CNTN5: variants seen among roughly 807,000 people sequenced by gnomAD.
CNTN5 encodes contactin-5.
Under a neutral mutation model 129.1 loss-of-function variants are expected in CNTN5, and 77 were observed. The ratio of observed to expected loss-of-function variants is 0.60; its 90% CI spans 0.50 to 0.72. The LOEUF (loss-of-function observed/expected upper bound fraction) is 0.72, where lower values mean the gene tolerates loss of function less well. Among genes scored for constraint, CNTN5 ranks in the 30% least tolerant of loss-of-function variants. CNTN5 has a pLI of 0.00. For synonymous variants in CNTN5, 509 were observed against 465.6 expected, an observed-to-expected ratio of 1.09 and a Z score of -1.20; for missense variants, 1,478 against 1,328.8, an observed-to-expected ratio of 1.11 and a Z score of -1.75.
intron 2 of CNTN5, among the ~76,000 whole-genome samples, chr11:99,413,853 T>A (rs929775635): frequency 6.6e-6 from 1 of 152,202 alleles, no homozygotes; most frequent in African/African-American, 2.4e-5. Flanking sequence ...CTTTTATTTA[T>A]AATCTCAACT....
intron 2 of CNTN5, among the ~76,000 whole-genome samples, chr11:99,344,006 T>C (rs1366153043): frequency 6.6e-6 from 1 of 152,178 alleles, no homozygotes; most frequent in Non-Finnish European, 1.5e-5. Context: ...ATTTATAAAA[T>C]AGCCTTCTCA....
intron 1 of CNTN5, among the ~76,000 whole-genome samples, chr11:99,137,223 A>T (rs1430510003): frequency 6.6e-6 from 1 of 152,196 alleles, no homozygotes; most frequent in Non-Finnish European, 1.5e-5. Flanking sequence ...CAGATACACT[A>T]ATAATTTAAC....
chr11:100,191,358 A>G, intron 14 of CNTN5, 105 bp downstream of exon 14: 2 of 840,426 alleles, frequency 2.4e-6, no homozygotes, highest in Non-Finnish European at 3.3e-6. Flanking sequence ...AAGTGTGTGC[A>G]TGCTTGTGTT....
chr11:99,980,720 C>T (rs75948618), intron 8 of CNTN5, among the ~76,000 whole-genome samples: 4,893 of 151,974 alleles, frequency 0.032, 145 homozygotes, highest in African/African-American at 0.078. Context: ...TTTATTTCAG[C>T]TTAATACCTG....
chr11:99,815,938 T>G (rs2036081686), intron 3 of CNTN5, among the ~76,000 whole-genome samples: 1 of 152,132 alleles, frequency 6.6e-6, no homozygotes, highest in Non-Finnish European at 1.5e-5. Context: ...ATCTATTTCT[T>G]CAATTCCCTC....
chr11:99,753,534 A>G (rs1166908249), intron 3 of CNTN5, among the ~76,000 whole-genome samples: 2 of 150,712 alleles, frequency 1.3e-5, no homozygotes, highest in Admixed American at 1.3e-4. Flanking sequence ...CCTGTCTCAC[A>G]TTATCAGGAT....
chr11:99,710,567 ATGTGTGTGTG>A lies in CNTN5; in HGVS notation c.56-108951_56-108942del, dbSNP rs71050018. On this transcript the variant is annotated intron_variant, in intron 3 of 24. Coordinates refer to ENST00000524871, the MANE Select transcript of CNTN5 (RefSeq NM_014361.4). ...CTAGATTGTGTGTGTGTGTGTGTGC[ATGTGTGTGTG>A]TGTGTGTGTGTGTGTGTGTGTGTGT... Among the ~76,000 whole-genome samples the A allele has an allele frequency of 8.7e-4, 123 of 140,572 alleles. 1 individual carries two copies. The East Asian group carries it at 0.015, about 17-fold the overall frequency. The allele number at this position is 140,572 out of a possible 152,430, so 92.2% of individuals were successfully genotyped here.
intron 1 of CNTN5, among the ~76,000 whole-genome samples, chr11:99,264,205 A>C (rs1862776036): frequency 6.6e-6 from 1 of 151,366 alleles, no homozygotes; most frequent in Non-Finnish European, 1.5e-5. Context: ...TTTATACAAG[A>C]AGATATTATT....
At chr11:99,659,773 C>T (rs1952528375) in intron 3 of CNTN5, among the ~76,000 whole-genome samples, 1 of 152,110 alleles carries the variant, frequency 6.6e-6, no homozygotes, top group South Asian at 2.1e-4. Flanking sequence ...TCTATGGATC[C>T]TAATGTTAAT....
intron 13 of CNTN5, among the ~76,000 whole-genome samples, chr11:100,139,070 T>G (rs1303681712): frequency 6.6e-6 from 1 of 152,126 alleles, no homozygotes; most frequent in East Asian, 1.9e-4. Context: ...TCCTTATTGA[T>G]GGAACCATTT....
intron 7 of CNTN5, among the ~76,000 whole-genome samples, chr11:99,938,690 A>G (rs963745441): frequency 6.6e-6 from 1 of 152,112 alleles, no homozygotes; most frequent in Non-Finnish European, 1.5e-5. Flanking sequence ...AACATAATCA[A>G]TTTAGTAAAT....
At chr11:100,231,784 T>C (rs1949495998) in intron 16 of CNTN5, among the ~76,000 whole-genome samples, 1 of 152,194 alleles carries the variant, frequency 6.6e-6, no homozygotes. Flanking sequence ...GCTGTGGAGC[T>C]CAGGAGAGAA....
intron 1 of CNTN5, among the ~76,000 whole-genome samples, chr11:99,298,166 T>A (rs1176842539): frequency 6.6e-5 from 10 of 152,098 alleles, no homozygotes. Flanking sequence ...TCTGGTACCA[T>A]CTGATAAAAG....
At chr11:99,195,706 A>G (rs1218253008) in intron 1 of CNTN5, among the ~76,000 whole-genome samples, 1 of 152,078 alleles carries the variant, frequency 6.6e-6, no homozygotes, top group African/African-American at 2.4e-5. Context: ...CAAATTCATA[A>G]TTAATTTACA....
rs1054951152 is a variant in CNTN5, at chr11:99,127,817, A to G, written c.-210+106547A>G. On this transcript the variant is annotated intron_variant, in intron 1 of 24. Transcript: ENST00000524871. ...TGTGTGAGGTATTTTGTCCAGTGGTATCCTCCATTAACGTCTTTATCACAT... is the reference window on the plus strand; with the variant it reads ...TGTGTGAGGTATTTTGTCCAGTGGTGTCCTCCATTAACGTCTTTATCACAT... Among the ~76,000 whole-genome samples the G allele has an allele frequency of 2.5e-4, 38 of 152,316 alleles. 1 individual carries two copies. The highest frequency in any genetic ancestry group is 1.2e-3 in the South Asian group (6 of 4,832).
chr11:100,192,920 T>TA (rs1232026007), intron 14 of CNTN5, among the ~76,000 whole-genome samples: 1 of 151,992 alleles, frequency 6.6e-6, no homozygotes, highest in Non-Finnish European at 1.5e-5. Flanking sequence ...TTCTTCTGAT[T>TA]AAAAAATACT....
intron 7 of CNTN5, among the ~76,000 whole-genome samples, chr11:99,928,372 C>T (rs1950111419): frequency 6.6e-6 from 1 of 152,220 alleles, no homozygotes; most frequent in Admixed American, 6.5e-5. Context: ...TCCAATCCCA[C>T]ATTTGCCTTC....
chr11:99,367,367 A>G (rs889947503), intron 2 of CNTN5, among the ~76,000 whole-genome samples: 1 of 152,174 alleles, frequency 6.6e-6, no homozygotes, highest in Non-Finnish European at 1.5e-5. Context: ...GAAACATTAA[A>G]AGAAACCTCT....
chr11:99,608,768 A>G (rs1950509627), intron 3 of CNTN5, among the ~76,000 whole-genome samples: 1 of 152,160 alleles, frequency 6.6e-6, no homozygotes, highest in African/African-American at 2.4e-5. Context: ...AGTAAACTTA[A>G]TCATCTAGCT....
Sources: allele counts gnomAD v4.1 joint callset (sites outside exome capture counted in the v4.1 genomes callset), GRCh38; gene constraint gnomAD v4.1.1; transcripts MANE v1.5; gene names NCBI Gene and HGNC (gene_info 2026-07-23, HGNC 2026-07-21).